The following ADAM7 variants were observed in gnomAD, a reference collection of about 807,000 sequenced individuals.
ADAM7 encodes the protein ADAM metallopeptidase domain 7.
Under a neutral mutation model 102.9 loss-of-function variants are expected in ADAM7, and 97 were observed. That is an observed-to-expected ratio of 0.94 (90% CI 0.80 to 1.12). The LOEUF (loss-of-function observed/expected upper bound fraction) is 1.12, where lower values mean the gene tolerates loss of function less well. Ranked by LOEUF, ADAM7 falls within the 50% of genes most tolerant of loss-of-function variation. ADAM7 has a pLI of 0.00. For synonymous variants in ADAM7, 334 were observed against 304.4 expected (o/e 1.10, Z -1.01); for missense variants, 991 against 908.7 (o/e 1.09, Z -1.16).
Position 24,487,264 on chromosome 8 carries a change from C to G in ADAM7, c.1038C>G (p.Asp346Glu), listed in dbSNP as rs745392106. 3.7e-6 allele frequency: 6 copies of G among 1,613,738 alleles called. No individual in the cohort carries two copies. In the African/African-American group the frequency reaches 5.3e-5, roughly 14 times the overall value. ...GGCATAACCTTGGGATGCAGCATGACGAGTTCCCATGCACCTGTCCTTCAG... is the reference window on the plus strand; with the variant it reads ...GGCATAACCTTGGGATGCAGCATGAGGAGTTCCCATGCACCTGTCCTTCAG... The part of the protein sequence containing the change: ...QLGHNLGMQH[D>E]EFPCTCPSGK... Residue 346 changes from aspartate to glutamate, a missense_variant, in exon 11 of 22, where the codon GAC becomes GAG. Physicochemically the swap from Asp to Glu is conservative, Grantham distance 45. Transcript: ENST00000175238.
At chr8:24,469,522 A>G (rs1819536745) in intron 7 of ADAM7, among the ~76,000 whole-genome samples, 1 of 152,170 alleles carries the variant, frequency 6.6e-6, no homozygotes, top group Admixed American at 6.6e-5. Context: ...TTATTAGAGA[A>G]CCGCTAAACT....
At chr8:24,468,044 C>T (rs765796229) in intron 6 of ADAM7, among the ~76,000 whole-genome samples, 30 of 151,568 alleles carry the variant, frequency 2.0e-4, no homozygotes, top group South Asian at 4.2e-4. Context: ...CGACTCTGGG[C>T]GACAGAGTGA....
At position 24,493,092 on chromosome 8, in the gene ADAM7, C is replaced by T. The variant is rs751534326; in HGVS notation, c.1705C>T (p.Leu569Phe). 4 of 1,611,332 alleles carry T rather than the reference C, an allele frequency of 2.5e-6. No individual in the cohort carries two copies. The highest frequency in any genetic ancestry group is 1.6e-4 in the Middle Eastern group (1 of 6,064). Residue 569 changes from leucine (L) to phenylalanine (F), a missense_variant, in exon 16 of 22, where the codon CTC (leucine) becomes TTC (phenylalanine). Leu to Phe is a conservative substitution (Grantham distance 22). Coordinates refer to ENST00000175238, the MANE Select transcript of ADAM7 (RefSeq NM_003817.4). ...CTGCACTGGAGGGGAGCTTTCCTCT[C>T]TCCTTGGAGAAGACAAGACTTATCA... ...IYCTGGELSS[L>F]LGEDKTYHLK...
At chr8:24,492,989 G>A in intron 15 of ADAM7, 54 bp from the exon 16 acceptor site, 2 of 1,497,924 alleles carry the variant, frequency 1.3e-6, no homozygotes, top group East Asian at 2.4e-5. Flanking sequence ...TGCCAGCCTA[G>A]TCTCAAAAGT....
chr8:24,452,173 G>A (rs1452445279), intron 3 of ADAM7, among the ~76,000 whole-genome samples: 1 of 151,226 alleles, frequency 6.6e-6, no homozygotes, highest in Non-Finnish European at 1.5e-5. Flanking sequence ...GGTCCACTTG[G>A]TGCAGAGCTG....
chr8:24,467,374 A>G (rs780339608), intron 6 of ADAM7: 13 of 246,010 alleles, frequency 5.3e-5, no homozygotes, highest in Non-Finnish European at 8.5e-5. Context: ...TTATCATTCA[A>G]ATGTTTTAAT....
At chr8:24,465,865 G>A in intron 5 of ADAM7, 90 bp downstream of exon 5, 1 of 928,226 alleles carries the variant, frequency 1.1e-6, no homozygotes, top group South Asian at 2.2e-5. Context: ...TATCACTCCT[G>A]GTATATAGAA....
chr8:24,499,446 G>A, intron 17 of ADAM7, 130 bp downstream of exon 17: 4 of 649,122 alleles, frequency 6.2e-6, no homozygotes, highest in East Asian at 3.4e-5. Context: ...TATATATTTG[G>A]GATTCATTTT....
chr8:24,484,195 C>A (rs112663270), intron 9 of ADAM7, among the ~76,000 whole-genome samples: 3,355 of 152,118 alleles, frequency 0.022, 60 homozygotes, highest in African/African-American at 0.039. Flanking sequence ...GAAGCATAGT[C>A]AAATACTGAT....
chr8:24,508,736 C>T lies in ADAM7; in HGVS notation c.*190C>T. ...TAATATTTACCGGTAGAATTCACAC[C>T]CTCTATCATAAACATATGCTGCAGA... On this transcript the variant is annotated 3_prime_UTR_variant, in exon 22 of 22. Coordinates refer to ENST00000175238, the MANE Select transcript of ADAM7 (RefSeq NM_003817.4). 7.1e-7 allele frequency: 1 copy of T among 1,414,862 alleles called. No homozygotes were observed. The highest frequency in any genetic ancestry group is 1.6e-5 in the South Asian group (1 of 61,580). 87.6% of individuals were successfully genotyped at this position (1,414,862 alleles called of 1,614,324 possible).
intron 9 of ADAM7, among the ~76,000 whole-genome samples, chr8:24,482,744 G>A (rs916675169): frequency 6.6e-6 from 1 of 152,002 alleles, no homozygotes; most frequent in Non-Finnish European, 1.5e-5. Context: ...ATGAGACCCT[G>A]TCTCAATAAA....
chr8:24,495,861 A>G (rs770637616), intron 16 of ADAM7, among the ~76,000 whole-genome samples: 47 of 152,228 alleles, frequency 3.1e-4, no homozygotes, highest in Non-Finnish European at 5.4e-4. Context: ...CAGCCTGACA[A>G]TGTGATAGAA....
chr8:24,508,194 T>C (rs1267380020), intron 21 of ADAM7, among the ~76,000 whole-genome samples: 2 of 152,122 alleles, frequency 1.3e-5, no homozygotes, highest in Non-Finnish European at 2.9e-5. Flanking sequence ...TGTAATAAGA[T>C]ACACCGCCCA....
rs1793837845 is a variant in ADAM7, at chr8:24,508,813, C to T, written c.*267C>T. On this transcript the variant is annotated 3_prime_UTR_variant, in exon 22 of 22. Transcript: ENST00000175238. ...TGCTCTTTAGCACAATATAAAAATT[C>T]GTAACCTTGCTGTAGTATTTTCCTA... is the stretch of plus-strand genomic sequence containing the variant. 6.5e-6 allele frequency: 8 copies of T among 1,236,706 alleles called. No individual in the cohort carries two copies. The highest frequency in any genetic ancestry group is 1.5e-5 in the African/African-American group (1 of 64,912). 76.6% of individuals were successfully genotyped at this position (1,236,706 alleles called of 1,614,324 possible). A position where few individuals can be genotyped will look rare whatever the true frequency, so the allele number is the denominator to read the frequency against.
chr8:24,441,211 G>A, intron 1 of ADAM7, 51 bp downstream of exon 1: 1 of 1,531,676 alleles, frequency 6.5e-7, no homozygotes, highest in East Asian at 2.2e-5. Context: ...GTGAGGTTGT[G>A]TCTCTTTAGT....
chr8:24,506,753 G>GCACACACACA lies in ADAM7; in HGVS notation c.2209-698_2209-689dup, dbSNP rs71549838. Among the ~76,000 whole-genome samples the GCACACACACA allele has an allele frequency of 3.5e-3, 510 of 144,288 alleles. 3 individuals carry two copies. Among genetic ancestry groups the GCACACACACA allele is most frequent in the African/African-American group, 0.011 (413 of 38,988 alleles). The allele number at this position is 144,288 out of a possible 152,430, so 94.7% of individuals were successfully genotyped here. ...CACATGCATTAGAGACTGAGTCAAA[G>GCACACACACA]CACACACACACACACACACACACAC... On this transcript the variant is annotated intron_variant, in intron 20 of 21. Coordinates refer to ENST00000175238, the MANE Select transcript of ADAM7 (RefSeq NM_003817.4).
intron 7 of ADAM7, among the ~76,000 whole-genome samples, chr8:24,471,041 G>C (rs990467063): frequency 6.6e-6 from 1 of 151,864 alleles, no homozygotes; most frequent in Non-Finnish European, 1.5e-5. Context: ...ATTTTGTGTA[G>C]GTTTAGGCTA....
chr8:24,486,571 T>A (rs1210102092), intron 10 of ADAM7, among the ~76,000 whole-genome samples: 2 of 152,126 alleles, frequency 1.3e-5, no homozygotes, highest in Admixed American at 1.3e-4. Context: ...CACAAATGAA[T>A]GGGTAAGAAA....
rs759909084 is a variant in ADAM7 at position 24,507,561 on chromosome 8, TC to T, written c.2264+29del. Reference sequence around the variant, plus strand: ...GTAGGTTACCCTGACAGATAGTACCTCCCTTTTTTATTTTTCAAATGCTGGC... The same window carrying T: ...GTAGGTTACCCTGACAGATAGTACCTCCTTTTTTATTTTTCAAATGCTGGC... On this transcript the variant is annotated intron_variant, in intron 21 of 21. Coordinates refer to ENST00000175238, the MANE Select transcript of ADAM7 (RefSeq NM_003817.4). 1.9e-6 allele frequency: 3 copies of T among 1,578,128 alleles called. No homozygotes were observed. The East Asian group carries it at 6.7e-5, about 35-fold the overall frequency.
Sources: allele counts gnomAD v4.1 joint callset (sites outside exome capture counted in the v4.1 genomes callset), GRCh38; gene constraint gnomAD v4.1.1; transcripts MANE v1.5; gene names NCBI Gene and HGNC (gene_info 2026-07-23, HGNC 2026-07-21).